The following TMED3 variants were observed in gnomAD, a reference collection of about 807,000 sequenced individuals.
TMED3 encodes transmembrane p24 trafficking protein 3, also known as transmembrane emp24 domain-containing protein 3.
TMED3 carries 9 observed loss-of-function variants against 15.0 expected under a neutral mutation model. That is an observed-to-expected ratio of 0.60 (90% CI 0.36 to 1.04). The LOEUF is 1.04. Among genes scored for constraint, TMED3 ranks in the 50% least tolerant of loss-of-function variants. The pLI is 0.01. For synonymous variants in TMED3, 117 were observed against 121.4 expected (o/e 0.96, Z 0.24); for missense variants, 267 against 278.9 (o/e 0.96, Z 0.30).
chr15:79,376,647 C>T (rs898799610), intron 2 of TMED3, among the ~76,000 whole-genome samples: 1 of 152,198 alleles, frequency 6.6e-6, no homozygotes, highest in Non-Finnish European at 1.5e-5. Flanking sequence ...GGAACCTAGG[C>T]TTTCATTAAT....
chr15:79,366,090 T>C (rs1421974080), intron 2 of TMED3, among the ~76,000 whole-genome samples: 1 of 152,212 alleles, frequency 6.6e-6, no homozygotes, highest in African/African-American at 2.4e-5. Flanking sequence ...AGATAAGCTA[T>C]AGGTCTGCCT....
chr15:79,392,826 T>C (rs1346984285), intron 2 of TMED3, among the ~76,000 whole-genome samples: 1 of 152,228 alleles, frequency 6.6e-6, no homozygotes, highest in Non-Finnish European at 1.5e-5. Flanking sequence ...GTACCACCCT[T>C]ATCTGGCTGC....
At chr15:79,353,243 AT>A (rs1567030497) in intron 2 of TMED3, among the ~76,000 whole-genome samples, 14 of 74,446 alleles carry the variant, frequency 1.9e-4, no homozygotes, top group Non-Finnish European at 2.8e-4. Context: ...TAAAATATAT[AT>A]ACTATATATA....
At chr15:79,371,864 A>T (rs1050844936) in intron 2 of TMED3, among the ~76,000 whole-genome samples, 1 of 152,202 alleles carries the variant, frequency 6.6e-6, no homozygotes, top group Non-Finnish European at 1.5e-5. Context: ...GAAAAACAAG[A>T]TAGGCAGTGG....
intron 2 of TMED3, among the ~76,000 whole-genome samples, chr15:79,403,455 A>G (rs958622146): frequency 6.6e-6 from 1 of 151,724 alleles, no homozygotes; most frequent in African/African-American, 2.4e-5. Context: ...TTTTCTTACC[A>G]TTGTGTGGTG....
chr15:79,361,786 A>C (rs981719207), intron 2 of TMED3, among the ~76,000 whole-genome samples: 23 of 152,352 alleles, frequency 1.5e-4, no homozygotes, highest in African/African-American at 5.5e-4. Flanking sequence ...TTACTAAATT[A>C]ATGACCTGAA....
intron 2 of TMED3, among the ~76,000 whole-genome samples, chr15:79,346,650 G>C (rs1415304473): frequency 6.6e-6 from 1 of 152,032 alleles, no homozygotes; most frequent in East Asian, 1.9e-4. Flanking sequence ...TATAGTTTTG[G>C]GTTTTCCATT....
At chr15:79,331,396 C>G (rs552359015) in intron 2 of TMED3, among the ~76,000 whole-genome samples, 1 of 96,220 alleles carries the variant, frequency 1.0e-5, no homozygotes, top group South Asian at 3.8e-4. Flanking sequence ...TCACCCAACA[C>G]AAAAATCCAC....
chr15:79,311,954 C>A (rs1319195364), intron 1 of TMED3, among the ~76,000 whole-genome samples: 1 of 152,192 alleles, frequency 6.6e-6, no homozygotes, highest in Admixed American at 6.5e-5. Context: ...TGAGGCCTGG[C>A]GGTGTTTACA....
intron 2 of TMED3, among the ~76,000 whole-genome samples, chr15:79,342,908 G>A (rs1477192931): frequency 2.6e-5 from 4 of 152,152 alleles, no homozygotes; most frequent in Non-Finnish European, 5.9e-5. Context: ...GTACTGATAA[G>A]TGCTATAAAG....
chr15:79,314,110 A>G, intron 2 of TMED3, 105 bp downstream of exon 2: 1 of 1,459,648 alleles, frequency 6.9e-7, no homozygotes, highest in African/African-American at 1.4e-5. Flanking sequence ...TCCAGCTCCC[A>G]GTCTGGAAGT....
chr15:79,343,082 T>C (rs2058857202), intron 2 of TMED3, among the ~76,000 whole-genome samples: 1 of 152,116 alleles, frequency 6.6e-6, no homozygotes, highest in African/African-American at 2.4e-5. Context: ...TATAAGGGTT[T>C]GTTTGAGGAA....
chr15:79,367,340 G>A (rs890352306), intron 2 of TMED3, among the ~76,000 whole-genome samples: 6 of 152,164 alleles, frequency 3.9e-5, no homozygotes, highest in Admixed American at 2.0e-4. Context: ...TAGGACCAGC[G>A]ATCCACACTG....
chr15:79,364,252 C>T (rs568621135), intron 2 of TMED3, among the ~76,000 whole-genome samples: 1 of 152,156 alleles, frequency 6.6e-6, no homozygotes, highest in South Asian at 2.1e-4. Flanking sequence ...CCCATTCCCC[C>T]AGTGTGCATG....
At chr15:79,398,618 C>T (rs1893794223) in intron 2 of TMED3, among the ~76,000 whole-genome samples, 1 of 152,148 alleles carries the variant, frequency 6.6e-6, no homozygotes, top group Non-Finnish European at 1.5e-5. Flanking sequence ...AGTCCCCTTA[C>T]TCCACCCTTT....
downstream of TMED3, among the ~76,000 whole-genome samples, chr15:79,326,744 G>A (rs1352333015): frequency 6.6e-6 from 1 of 152,228 alleles, no homozygotes; most frequent in African/African-American, 2.4e-5. Context: ...CATTTGGGAA[G>A]TGACAGAGTC....
downstream of TMED3, among the ~76,000 whole-genome samples, chr15:79,325,472 T>C (rs1334706754): frequency 1.3e-5 from 2 of 152,132 alleles, no homozygotes; most frequent in Non-Finnish European, 2.9e-5. Context: ...AAGATAATTT[T>C]CCAAAAAAGG....
chr15:79,391,358 T>C (rs1351582957), intron 2 of TMED3, among the ~76,000 whole-genome samples: 1 of 152,224 alleles, frequency 6.6e-6, no homozygotes, highest in African/African-American at 2.4e-5. Context: ...GGTTATCTGA[T>C]TTATGTGTAT....
At chr15:79,344,971 TA>T (rs2058864470) in intron 2 of TMED3, among the ~76,000 whole-genome samples, 1 of 152,022 alleles carries the variant, frequency 6.6e-6, no homozygotes, top group Non-Finnish European at 1.5e-5. Context: ...CAGAGCAGCA[TA>T]TGGGAATTTA....
Sources: gnomAD v4.1 joint callset for allele counts (sites outside exome capture counted in the v4.1 genomes callset) on GRCh38, gnomAD v4.1.1 for gene constraint, MANE v1.5 for transcripts, NCBI Gene and HGNC (gene_info 2026-07-23, HGNC 2026-07-21) for gene names.